The following ZNF606 variants were observed in gnomAD, a reference collection of about 807,000 sequenced individuals.
ZNF606 encodes zinc finger protein 606.
Under a neutral mutation model 74.9 loss-of-function variants are expected in ZNF606, and 37 were observed. The observed-to-expected ratio is 0.49, with a 90% CI of 0.38 to 0.65. The LOEUF (loss-of-function observed/expected upper bound fraction) is 0.65. Among genes scored for constraint, ZNF606 ranks in the 30% least tolerant of loss-of-function variants. The probability of loss-of-function intolerance (pLI) is 0.00; values close to 1 mark genes in which losing one functional copy is unlikely to be tolerated. For synonymous variants in ZNF606, 328 were observed against 312.4 expected, an observed-to-expected ratio of 1.05 and a Z score of -0.53; for missense variants, 852 against 952.9, an observed-to-expected ratio of 0.89 and a Z score of 1.39.
chr19:57,994,792 C>T (rs2073309585), intron 4 of ZNF606, among the ~76,000 whole-genome samples: 1 of 152,150 alleles, frequency 6.6e-6, no homozygotes, highest in Non-Finnish European at 1.5e-5. Context: ...CAAGTGTCGA[C>T]AAACATGCAG....
chr19:57,994,733 T>C (rs1458529110), intron 4 of ZNF606, among the ~76,000 whole-genome samples: 2 of 152,182 alleles, frequency 1.3e-5, no homozygotes, highest in Non-Finnish European at 2.9e-5. Flanking sequence ...GAATGCAATA[T>C]ACCTTTCTGG....
chr19:57,991,780 AAAATAAATAAAT>A (rs80231379), intron 4 of ZNF606, among the ~76,000 whole-genome samples: 42 of 148,596 alleles, frequency 2.8e-4, no homozygotes, highest in East Asian at 9.9e-4. Flanking sequence ...ACTCTGTCTC[AAAATAAATAAAT>A]AAATAAATAA....
chr19:57,999,592 T>A, intron 4 of ZNF606: 1 of 514,174 alleles, frequency 1.9e-6, no homozygotes, highest in Non-Finnish European at 3.4e-6. Context: ...CCAGGGAGAG[T>A]TGGAGCTCAG....
chr19:58,001,426 G>T, intron 1 of ZNF606, 56 bp from the exon 2 acceptor site: 1 of 1,408,636 alleles, frequency 7.1e-7, no homozygotes, highest in Non-Finnish European at 9.9e-7. Context: ...AAGACCAAGT[G>T]GGAACAAAGA....
At chr19:57,989,588 A>G (rs753482333) in intron 4 of ZNF606, among the ~76,000 whole-genome samples, 34 of 151,884 alleles carry the variant, frequency 2.2e-4, no homozygotes, top group Non-Finnish European at 4.6e-4. Context: ...CTGGGACAAT[A>G]GGCGTGCACC....
rs1461547643 is a variant in ZNF606 at position 57,988,696 on chromosome 19, G to C, written c.203C>G (p.Ala68Gly). Residue 68 changes from alanine (A) to glycine (G), a missense_variant, in exon 5 of 7, where the codon GCC becomes GGC. This residue lies in a region of ZNF606 where 545 missense variants were observed against 542.5 expected (regional missense o/e 1.00). Transcript: ENST00000551380. The stretch of plus-strand genomic sequence containing the variant: ...CCACTCTTCTTGGGTGAAGTCCACG[G>C]CCACGTCCTTGAAGGTCACTGGTTC... ...VQEPVTFKDV[A>G]VDFTQEEWGQ... 1 of 1,614,002 alleles carries C rather than the reference G, an allele frequency of 6.2e-7. No homozygotes were observed. The highest frequency in any genetic ancestry group is 8.5e-7 in the Non-Finnish European group (1 of 1,180,034).
At chr19:57,987,637 A>T (rs1350226074) in intron 6 of ZNF606, among the ~76,000 whole-genome samples, 1 of 151,952 alleles carries the variant, frequency 6.6e-6, no homozygotes, top group East Asian at 1.9e-4. Context: ...AGACCAGCCC[A>T]GCCAACATGG....
At chr19:57,980,423 A>T (rs977495059) in intron 6 of ZNF606, 144 bp from the exon 7 acceptor site, 1 of 770,528 alleles carries the variant, frequency 1.3e-6, no homozygotes, top group Non-Finnish European at 2.0e-6. Context: ...GAGAAAGATC[A>T]TAATAGGGAA....
intron 6 of ZNF606, among the ~76,000 whole-genome samples, chr19:57,981,080 G>A (rs1375104612): frequency 6.6e-6 from 1 of 152,176 alleles, no homozygotes; most frequent in Non-Finnish European, 1.5e-5. Context: ...TTCCCTCAGG[G>A]TGGTCTGGAG....
Position 57,979,164 on chromosome 19 carries a change from G to A in ZNF606, c.1516C>T (p.His506Tyr), listed in dbSNP as rs1168658203. Residue 506 changes from histidine to tyrosine, a missense_variant, in exon 7 of 7, where the codon CAT (histidine) becomes TAT (tyrosine). Around this residue, in one of 3 missense-constraint regions of ZNF606, gnomAD observed 243 missense variants for 359.2 expected, o/e 0.68. Coordinates refer to ENST00000551380, the MANE Select transcript of ZNF606 (RefSeq NM_001348022.3). ...CATTCAAAAGGTTTCTCTCCTGTAT[G>A]AGTCCTCTGATGTCCAATAAGATGA... Reference protein sequence around the residue: ...NSHLIGHQRTHTGEKPFECTE... With the variant: ...NSHLIGHQRTYTGEKPFECTE... The A allele has an allele frequency of 6.2e-7, 1 of 1,613,980 alleles. No individual in the cohort carries two copies. The highest frequency in any genetic ancestry group is 2.2e-5 in the East Asian group (1 of 44,874).
intron 5 of ZNF606, 122 bp downstream of exon 5, chr19:57,988,473 C>T (rs1298694518): frequency 2.0e-5 from 30 of 1,475,186 alleles, no homozygotes; most frequent in Non-Finnish European, 2.6e-5. Context: ...ACCTCAGGGC[C>T]CAAGATCATC....
At chr19:57,988,379 C>T in intron 5 of ZNF606, 77 bp from the exon 6 acceptor site, 3 of 1,456,076 alleles carry the variant, frequency 2.1e-6, no homozygotes, top group South Asian at 1.2e-5. Context: ...TTGCCTATTC[C>T]TCCCTGTGAC....
rs1325725729 is a variant in ZNF606, at chr19:57,978,156, T to G, written c.*145A>C. On this transcript the variant is annotated 3_prime_UTR_variant, in exon 7 of 7. Coordinates refer to ENST00000551380, the MANE Select transcript of ZNF606 (RefSeq NM_001348022.3). The surrounding 1 kb of genome is among the most constrained non-coding windows in gnomAD (Gnocchi z 4.4). ...TTCCCTATTCTTTTCCTTCATGGGG[T>G]TTCTTCTAAGATGATATTTTCTAGT... The G allele has an allele frequency of 1.2e-6, 1 of 801,624 alleles. No individual in the cohort carries two copies. Among genetic ancestry groups the G allele is most frequent in the South Asian group, 2.7e-5 (1 of 37,616 alleles). The allele number at this position is 801,624 out of a possible 1,614,324, so 49.7% of individuals were successfully genotyped here. A position where few individuals can be genotyped will look rare whatever the true frequency, so the allele number is the denominator to read the frequency against.
At chr19:57,980,460 T>C (rs986188131) in intron 6 of ZNF606, among the ~76,000 whole-genome samples, 181 bp from the exon 7 acceptor site, 2 of 152,210 alleles carry the variant, frequency 1.3e-5, no homozygotes, top group Non-Finnish European at 2.9e-5. Flanking sequence ...AAACAACAGT[T>C]AACCAGAATA....
chr19:58,002,120 G>A, intron 1 of ZNF606: 2 of 455,034 alleles, frequency 4.4e-6, no homozygotes, highest in South Asian at 3.1e-5. Flanking sequence ...AATGCAAACC[G>A]TACTTTGCAC....
At chr19:57,994,241 A>C (rs967286607) in intron 4 of ZNF606, among the ~76,000 whole-genome samples, 3 of 152,132 alleles carry the variant, frequency 2.0e-5, no homozygotes, top group Admixed American at 6.5e-5. Context: ...TGCTGTGGTG[A>C]GAACATGATC....
chr19:57,995,427 A>G (rs1439515778), intron 4 of ZNF606, among the ~76,000 whole-genome samples: 2 of 152,130 alleles, frequency 1.3e-5, no homozygotes, highest in Non-Finnish European at 2.9e-5. Flanking sequence ...GGCAGCGCAA[A>G]AGGAACAAGC....
rs758867766 is a variant in ZNF606, at chr19:58,002,731, C to A, written c.-387G>T. Reference sequence around the variant, plus strand: ...CTCTCCCAGCCGGCTCTCCTGACCCCCCAAGCCCCGCAGCTACGGCGGCCC... The same window carrying A: ...CTCTCCCAGCCGGCTCTCCTGACCCACCAAGCCCCGCAGCTACGGCGGCCC... On this transcript the variant is annotated 5_prime_UTR_variant, in exon 1 of 7. Transcript: ENST00000551380. 8.8e-6 allele frequency: 4 copies of A among 454,112 alleles called. No individual in the cohort carries two copies. The highest frequency in any genetic ancestry group is 1.8e-5 in the Non-Finnish European group (4 of 226,082). 28.1% of individuals were successfully genotyped at this position (454,112 alleles called of 1,614,324 possible).
In ZNF606 at chr19:58,002,792, C is replaced by A; in HGVS notation, c.-448G>T. 4.4e-6 allele frequency: 2 copies of A among 452,312 alleles called. No homozygotes were observed. The highest frequency in any genetic ancestry group is 2.4e-5 in the Admixed American group (1 of 42,090). The allele number at this position is 452,312 out of a possible 1,614,324, so 28.0% of individuals were successfully genotyped here. The stretch of plus-strand genomic sequence containing the variant: ...GCAAAGGCCTCACCTCAGCCGCGGA[C>A]AATGGCGGCTGCTTCCCCGGCGTCG... On this transcript the variant is annotated 5_prime_UTR_variant, in exon 1 of 7. Coordinates refer to ENST00000551380, the MANE Select transcript of ZNF606 (RefSeq NM_001348022.3).
Sources: allele counts gnomAD v4.1 joint callset (sites outside exome capture counted in the v4.1 genomes callset), GRCh38; gene constraint gnomAD v4.1.1; regional missense constraint gnomAD v4.1.1; non-coding constraint Gnocchi (gnomAD v3.1); transcripts MANE v1.5; gene names NCBI Gene and HGNC (gene_info 2026-07-23, HGNC 2026-07-21).